The following SORCS1 variants were observed in gnomAD, a reference collection of about 807,000 sequenced individuals.
SORCS1 encodes the protein sortilin related VPS10 domain containing receptor 1.
SORCS1 carries 60 observed loss-of-function variants against 146.1 expected under a neutral mutation model. That is an observed-to-expected ratio of 0.41 (90% CI 0.33 to 0.51). The LOEUF (loss-of-function observed/expected upper bound fraction) is 0.51. Ranked by LOEUF, SORCS1 falls within the 20% of genes least tolerant of loss-of-function variation. The pLI, the probability that SORCS1 is intolerant of heterozygous loss-of-function variation, is 0.21. For synonymous variants in SORCS1, 637 were observed against 584.0 expected (o/e 1.09, Z -1.31); for missense variants, 1,352 against 1,487.6 (o/e 0.91, Z 1.50).
At chr10:107,080,085 C>T (rs1208297057) in intron 1 of SORCS1, among the ~76,000 whole-genome samples, 1 of 152,156 alleles carries the variant, frequency 6.6e-6, no homozygotes, top group African/African-American at 2.4e-5. Flanking sequence ...TGTTTCCCAG[C>T]AATAAAATTG....
At chr10:106,630,711 T>TA (rs1564797795) in intron 18 of SORCS1, among the ~76,000 whole-genome samples, 1 of 152,146 alleles carries the variant, frequency 6.6e-6, no homozygotes, top group Non-Finnish European at 1.5e-5. Flanking sequence ...AAACGCTACA[T>TA]AAAAATGACT....
rs1178196242 is a variant in SORCS1 at position 106,671,329 on chromosome 10, C to T, written c.2097G>A (p.Lys699=). The T allele has an allele frequency of 6.2e-7, 1 of 1,614,116 alleles. No individual in the cohort carries two copies. Among genetic ancestry groups the T allele is most frequent in the Non-Finnish European group, 8.5e-7 (1 of 1,180,000 alleles). ...TACACTTCCGCTCTGATTTTCGCTTCTTATATATCCTTTTTGCTCCCATGA... is the reference window on the plus strand; with the variant it reads ...TACACTTCCGCTCTGATTTTCGCTTTTTATATATCCTTTTTGCTCCCATGA... The part of the protein sequence containing the change: ...ACIMGAKRIY[K]KRKSERKCMQ... Residue 699 remains lysine, a synonymous_variant, in exon 16 of 26, where the codon AAG becomes AAA. Transcript: ENST00000263054.
intron 2 of SORCS1, among the ~76,000 whole-genome samples, chr10:106,850,446 G>A (rs926384780): frequency 6.6e-5 from 10 of 151,916 alleles, no homozygotes; most frequent in Non-Finnish European, 1.2e-4. Context: ...GCTTCGGCTC[G>A]CACACGGTGC....
intron 9 of SORCS1, among the ~76,000 whole-genome samples, chr10:106,691,414 T>C (rs1373324641): frequency 6.6e-6 from 1 of 152,224 alleles, no homozygotes; most frequent in East Asian, 1.9e-4. Flanking sequence ...CTTTAGTCCC[T>C]TTGCTTCTCC....
At chr10:107,169,176 C>G (rs1970109203), upstream of SORCS1, among the ~76,000 whole-genome samples, 1 of 152,148 alleles carries the variant, frequency 6.6e-6, no homozygotes, top group African/African-American at 2.4e-5. Context: ...TGCACTAAAT[C>G]ACATTTATAT....
intron 14 of SORCS1, among the ~76,000 whole-genome samples, chr10:106,674,354 A>G (rs2135505597): frequency 6.8e-6 from 1 of 146,634 alleles, no homozygotes; most frequent in South Asian, 2.2e-4. Context: ...AAAAAAAAAA[A>G]AAAGTAGTAG....
At chr10:106,757,545 C>T (rs1330065570) in intron 5 of SORCS1, among the ~76,000 whole-genome samples, 1 of 152,154 alleles carries the variant, frequency 6.6e-6, no homozygotes, top group African/African-American at 2.4e-5. Context: ...TTAGAAAATA[C>T]AGACCATGTG....
At chr10:107,172,758 T>C in the SORCS1 span, among the ~76,000 whole-genome samples, 1 of 152,168 alleles carries the variant, frequency 6.6e-6, no homozygotes. Context: ...CCACCACAAA[T>C]GTCACATAAA....
chr10:106,800,731 C>T (rs749345699), intron 3 of SORCS1, among the ~76,000 whole-genome samples: 8 of 151,772 alleles, frequency 5.3e-5, no homozygotes, highest in Non-Finnish European at 8.8e-5. Flanking sequence ...TTAGTAGAGA[C>T]GGGGTTTCAC....
At chr10:106,680,139 A>G (rs1358724931) in intron 10 of SORCS1, among the ~76,000 whole-genome samples, 1 of 152,226 alleles carries the variant, frequency 6.6e-6, no homozygotes, top group East Asian at 1.9e-4. Flanking sequence ...TTGAATCATG[A>G]ATGACTCCAA....
chr10:106,828,846 A>G (rs556206066), intron 3 of SORCS1, among the ~76,000 whole-genome samples: 2 of 152,344 alleles, frequency 1.3e-5, no homozygotes, highest in South Asian at 4.1e-4. Flanking sequence ...TCATAATAGG[A>G]GATGTATGAC....
At chr10:107,150,056 A>T (rs937059151) in intron 1 of SORCS1, among the ~76,000 whole-genome samples, 2 of 152,176 alleles carry the variant, frequency 1.3e-5, no homozygotes, top group African/African-American at 4.8e-5. Flanking sequence ...CTTTGCACAA[A>T]ACTCTATTAT....
chr10:106,959,239 G>T (rs886500926), intron 1 of SORCS1, among the ~76,000 whole-genome samples: 3 of 152,128 alleles, frequency 2.0e-5, no homozygotes, highest in African/African-American at 7.2e-5. Flanking sequence ...GATACACTCA[G>T]GCAGTTTATC....
At chr10:107,177,109 A>AT in the SORCS1 span, among the ~76,000 whole-genome samples, 1 of 151,802 alleles carries the variant, frequency 6.6e-6, no homozygotes, top group South Asian at 2.1e-4. Flanking sequence ...CCTTTATGTT[A>AT]TTTTTTGCCT....
intron 9 of SORCS1, among the ~76,000 whole-genome samples, chr10:106,695,937 C>G (rs1320037888): frequency 6.6e-6 from 1 of 152,154 alleles, no homozygotes; most frequent in Non-Finnish European, 1.5e-5. Flanking sequence ...GAATCTGTAG[C>G]CAGGTTCCAA....
chr10:106,871,655 AC>A (rs1253851167), intron 2 of SORCS1, among the ~76,000 whole-genome samples: 1 of 152,100 alleles, frequency 6.6e-6, no homozygotes, highest in Non-Finnish European at 1.5e-5. Context: ...AAAACCAAAT[AC>A]CCCATGTTCT....
At chr10:106,986,875 T>C (rs1425611271) in intron 1 of SORCS1, among the ~76,000 whole-genome samples, 1 of 152,216 alleles carries the variant, frequency 6.6e-6, no homozygotes, top group African/African-American at 2.4e-5. Context: ...TCTCATCTTT[T>C]TCTTTAAGCC....
chr10:106,986,707 C>G (rs1956493236), intron 1 of SORCS1, among the ~76,000 whole-genome samples: 1 of 152,056 alleles, frequency 6.6e-6, no homozygotes, highest in Non-Finnish European at 1.5e-5. Flanking sequence ...TGGATAATTT[C>G]TATTCGTCTA....
intron 1 of SORCS1, among the ~76,000 whole-genome samples, chr10:107,019,079 T>G (rs1346074585): frequency 6.6e-6 from 1 of 152,194 alleles, no homozygotes; most frequent in Non-Finnish European, 1.5e-5. Flanking sequence ...GCTGTAAATA[T>G]TAAATGAGAT....
Sources: gnomAD v4.1 joint callset for allele counts (sites outside exome capture counted in the v4.1 genomes callset) on GRCh38, gnomAD v4.1.1 for gene constraint, MANE v1.5 for transcripts, NCBI Gene and HGNC (gene_info 2026-07-23, HGNC 2026-07-21) for gene names.